ADIPOR2: variants seen among roughly 807,000 people sequenced by gnomAD.
The protein encoded by ADIPOR2 is adiponectin receptor protein 2.
A neutral mutation model predicts 40.9 loss-of-function variants in ADIPOR2; 18 were observed. The observed-to-expected ratio is 0.44, with a 90% CI of 0.30 to 0.65. The LOEUF (loss-of-function observed/expected upper bound fraction) is 0.65. Ranked by LOEUF, ADIPOR2 falls within the 30% of genes least tolerant of loss-of-function variation. The pLI, the probability that ADIPOR2 is intolerant of heterozygous loss-of-function variation, is 0.09. For synonymous variants in ADIPOR2, 165 were observed against 166.4 expected (o/e 0.99, Z 0.06); for missense variants, 283 against 479.2 (o/e 0.59, Z 3.82).
chr12:1,698,487 T>A (rs540728917), intron 1 of ADIPOR2, among the ~76,000 whole-genome samples: 56 of 152,270 alleles, frequency 3.7e-4, no homozygotes, highest in African/African-American at 1.3e-3. Flanking sequence ...CTTCTCAAAG[T>A]GCTGGGATTA....
chr12:1,730,509 C>T (rs185822065), intron 1 of ADIPOR2, among the ~76,000 whole-genome samples: 53 of 151,282 alleles, frequency 3.5e-4, no homozygotes, highest in African/African-American at 9.9e-4. Context: ...CCCAGCTACA[C>T]GGGAAGCTGA....
At chr12:1,757,387 C>T in intron 2 of ADIPOR2, 1 of 719,844 alleles carries the variant, frequency 1.4e-6, no homozygotes, top group Non-Finnish European at 2.6e-6. Flanking sequence ...TTTCCATTGG[C>T]ATCTTTCATG....
At chr12:1,748,400 C>T (rs1318553520) in intron 1 of ADIPOR2, among the ~76,000 whole-genome samples, 1 of 152,090 alleles carries the variant, frequency 6.6e-6, no homozygotes, top group African/African-American at 2.4e-5. Context: ...AGGTGCCCGC[C>T]ACCACGCCTG....
intron 1 of ADIPOR2, among the ~76,000 whole-genome samples, chr12:1,741,448 G>A (rs998362150): frequency 3.3e-5 from 5 of 152,154 alleles, no homozygotes; most frequent in African/African-American, 1.2e-4. Context: ...CTTAGGAAGA[G>A]GGAGGAATAT....
At chr12:1,758,108 A>G in intron 2 of ADIPOR2, 1 of 549,170 alleles carries the variant, frequency 1.8e-6, no homozygotes, top group Non-Finnish European at 3.3e-6. Context: ...TGATTTTTTT[A>G]TGTGTTGTAA....
chr12:1,730,565 C>T (rs1194977845), intron 1 of ADIPOR2, among the ~76,000 whole-genome samples: 3 of 148,388 alleles, frequency 2.0e-5, no homozygotes, highest in African/African-American at 7.4e-5. Flanking sequence ...TGCAGTGAGC[C>T]GAGATAGTGC....
chr12:1,721,422 G>T (rs951552657), intron 1 of ADIPOR2, among the ~76,000 whole-genome samples: 2 of 151,898 alleles, frequency 1.3e-5, no homozygotes, highest in Non-Finnish European at 2.9e-5. Context: ...CACCATGTTG[G>T]CCAGGCTGGT....
At chr12:1,762,151 T>G in intron 2 of ADIPOR2, among the ~76,000 whole-genome samples, 1 of 152,224 alleles carries the variant, frequency 6.6e-6, no homozygotes, top group African/African-American at 2.4e-5. Context: ...CACCCACACC[T>G]CTGGCTAACT....
chr12:1,785,615 CAAGAGAGTCTGTGTGTCATTTGCCACTTT>C, intron 7 of ADIPOR2, among the ~76,000 whole-genome samples: 1 of 51,276 alleles, frequency 2.0e-5, no homozygotes, highest in East Asian at 5.4e-4. Flanking sequence ...GGCCTGTTAG[CAAGAGAGTCTGTGTGTCATTTGCCACTTT>C]AGCAAGAGAG....
intron 4 of ADIPOR2, 117 bp from the exon 5 acceptor site, chr12:1,780,334 A>G: frequency 8.8e-7 from 1 of 1,132,108 alleles, no homozygotes; most frequent in East Asian, 2.8e-5. Flanking sequence ...GATTTTTCTC[A>G]TTGAACTTTT....
chr12:1,726,302 A>G (rs1407123136), intron 1 of ADIPOR2, among the ~76,000 whole-genome samples: 2 of 151,936 alleles, frequency 1.3e-5, no homozygotes, highest in Non-Finnish European at 2.9e-5. Flanking sequence ...GGTTCAGGGG[A>G]TTCTCCTGCC....
At chr12:1,694,577 A>G (rs145390655) in intron 1 of ADIPOR2, among the ~76,000 whole-genome samples, 5 of 152,358 alleles carry the variant, frequency 3.3e-5, no homozygotes, top group Admixed American at 1.3e-4. Context: ...TACAGATGCT[A>G]TATTAAACTT....
intron 6 of ADIPOR2, among the ~76,000 whole-genome samples, chr12:1,783,297 ACTC>A (rs1862760677): frequency 6.6e-6 from 1 of 150,692 alleles, no homozygotes; most frequent in Non-Finnish European, 1.5e-5. Context: ...GTTTAAATAA[ACTC>A]CTGGAGCTGT....
rs748805895 is a variant in ADIPOR2, at chr12:1,772,874, T to C, written c.204T>C (p.Ala68=). 8.7e-6 allele frequency: 14 copies of C among 1,613,160 alleles called. No individual in the cohort carries two copies. Among genetic ancestry groups the C allele is most frequent in the Non-Finnish European group, 1.0e-5 (12 of 1,179,532 alleles). The change falls in exon 3 of 8, where the codon GCT becomes GCC. Residue 68 remains alanine, a synonymous_variant. Coordinates refer to ENST00000357103, the MANE Select transcript of ADIPOR2 (RefSeq NM_024551.3). ...SSEEHEYSDE[A]PQEDEGFMGM... ...AGGAACATGAATACAGTGATGAAGC[T>C]CCTCAGGAAGATGAGGGCTTTATGG... is the stretch of plus-strand genomic sequence containing the variant.
chr12:1,701,867 A>T (rs1223328847), intron 1 of ADIPOR2, among the ~76,000 whole-genome samples: 1 of 152,222 alleles, frequency 6.6e-6, no homozygotes, highest in Non-Finnish European at 1.5e-5. Context: ...TGAGCCTGTA[A>T]TATCAGCACT....
At chr12:1,759,515 G>A (rs995969204) in intron 2 of ADIPOR2, among the ~76,000 whole-genome samples, 1 of 152,174 alleles carries the variant, frequency 6.6e-6, no homozygotes, top group African/African-American at 2.4e-5. Context: ...AGGTAATTAT[G>A]TGCATTACAG....
intron 2 of ADIPOR2, among the ~76,000 whole-genome samples, chr12:1,755,687 T>G (rs1862110447): frequency 6.6e-6 from 1 of 152,376 alleles, no homozygotes; most frequent in Middle Eastern, 3.4e-3. Flanking sequence ...TACAGACATT[T>G]TGCTATGTGC....
intron 1 of ADIPOR2, among the ~76,000 whole-genome samples, chr12:1,750,497 G>T (rs916704803): frequency 6.6e-6 from 1 of 152,000 alleles, no homozygotes; most frequent in African/African-American, 2.4e-5. Flanking sequence ...GAGCCCAGGA[G>T]TTCAAGGTTA....
chr12:1,693,102 C>T lies in ADIPOR2; in HGVS notation c.-87+1911C>T, dbSNP rs1312223579. Reference sequence around the variant, plus strand: ...CCCGGGAGGTAGAGGTTGCAGTGAGCCAAGATTGCACCATTGCACTCCAGT... The same window carrying T: ...CCCGGGAGGTAGAGGTTGCAGTGAGTCAAGATTGCACCATTGCACTCCAGT... On this transcript the variant is annotated intron_variant, in intron 1 of 7. Transcript: ENST00000357103. Among the ~76,000 whole-genome samples the T allele has an allele frequency of 2.6e-5, 4 of 152,038 alleles. No homozygotes were observed. In the East Asian group the frequency reaches 7.7e-4, roughly 29 times the overall value.
Sources: gnomAD v4.1 joint callset for allele counts (sites outside exome capture counted in the v4.1 genomes callset) on GRCh38, gnomAD v4.1.1 for gene constraint, MANE v1.5 for transcripts, NCBI Gene and HGNC (gene_info 2026-07-23, HGNC 2026-07-21) for gene names.